The following PEPD variants were observed in gnomAD, a reference collection of about 807,000 sequenced individuals.
The protein encoded by PEPD is xaa-Pro dipeptidase.
A neutral mutation model predicts 60.7 loss-of-function variants in PEPD; 53 were observed. The ratio of observed to expected loss-of-function variants is 0.87; its 90% CI spans 0.70 to 1.10. PEPD has a LOEUF of 1.10. PEPD is among the 50% of genes least tolerant of loss of function. The pLI is 0.00. For missense variants in PEPD, 711 were observed against 711.9 expected, an observed-to-expected ratio of 1.00 and a Z score of 0.01; for synonymous variants, 267 against 284.1, an observed-to-expected ratio of 0.94 and a Z score of 0.60.
chr19:33,468,302 CA>C (rs1970057558), intron 7 of PEPD, among the ~76,000 whole-genome samples: 1 of 152,250 alleles, frequency 6.6e-6, no homozygotes, highest in African/African-American at 2.4e-5. Context: ...CAAACACTCT[CA>C]AGATCAGCAA....
chr19:33,462,763 TA>T (rs1313218766), intron 9 of PEPD, among the ~76,000 whole-genome samples: 1 of 152,184 alleles, frequency 6.6e-6, no homozygotes. Context: ...GGTGGGGCAC[TA>T]AACCACCCTG....
At chr19:33,398,936 C>T (rs1304515623) in intron 12 of PEPD, among the ~76,000 whole-genome samples, 2 of 152,234 alleles carry the variant, frequency 1.3e-5, no homozygotes, top group South Asian at 2.1e-4. Flanking sequence ...TCCTCACCCA[C>T]CCATCTGCCT....
intron 7 of PEPD, among the ~76,000 whole-genome samples, chr19:33,468,488 C>T (rs1970060946): frequency 1.3e-5 from 2 of 152,256 alleles, no homozygotes; most frequent in South Asian, 4.1e-4. Flanking sequence ...TCCATCGAGG[C>T]AGCCCAGACA....
intron 12 of PEPD, among the ~76,000 whole-genome samples, chr19:33,395,787 T>C (rs76738287): frequency 0.06 from 9,118 of 152,300 alleles, 379 homozygotes; most frequent in Middle Eastern, 0.11. Flanking sequence ...CTGTGGAACA[T>C]GGCCCTCGGG....
Position 33,442,548 on chromosome 19 carries a change from A to T in PEPD, c.671+20447T>A, listed in dbSNP as rs948548408. ...AACCCATCTCTACTAAAAATAAAATAAAAAAAAAAAATTAGCCGGGCGTGG... is the reference window on the plus strand; with the variant it reads ...AACCCATCTCTACTAAAAATAAAATTAAAAAAAAAAATTAGCCGGGCGTGG... On this transcript the variant is annotated intron_variant, in intron 9 of 14. Coordinates refer to ENST00000244137, the MANE Select transcript of PEPD (RefSeq NM_000285.4). 2.2e-3 allele frequency among the ~76,000 whole-genome samples: 303 copies of T among 139,638 alleles called. 3 individuals carry two copies. The highest frequency in any genetic ancestry group is 7.1e-3 in the African/African-American group (260 of 36,800). 91.6% of individuals were successfully genotyped at this position (139,638 alleles called of 152,430 possible).
intron 9 of PEPD, among the ~76,000 whole-genome samples, chr19:33,435,531 C>G (rs1969358052): frequency 6.6e-6 from 1 of 152,222 alleles, no homozygotes; most frequent in Non-Finnish European, 1.5e-5. Context: ...CTGGGGACAA[C>G]AGCCCCTCCA....
chr19:33,506,772 C>T (rs1310789376), intron 3 of PEPD, among the ~76,000 whole-genome samples: 1 of 149,180 alleles, frequency 6.7e-6, no homozygotes, highest in Non-Finnish European at 1.5e-5. Flanking sequence ...AAAACCTACA[C>T]ACCACACACA....
intron 2 of PEPD, 123 bp downstream of exon 2, chr19:33,512,470 G>A: frequency 1.1e-6 from 1 of 927,378 alleles, no homozygotes; most frequent in South Asian, 1.4e-5. Context: ...TCCCAGGCGA[G>A]GAAACAGAGG....
intron 13 of PEPD, among the ~76,000 whole-genome samples, chr19:33,390,897 C>T (rs1255370620): frequency 6.6e-6 from 1 of 152,140 alleles, no homozygotes; most frequent in Non-Finnish European, 1.5e-5. Flanking sequence ...CATCAACTCC[C>T]CACGCCCCAG....
At chr19:33,482,515 A>C (rs1463544645) in intron 6 of PEPD, among the ~76,000 whole-genome samples, 1 of 152,244 alleles carries the variant, frequency 6.6e-6, no homozygotes. Context: ...AAAGACTAAA[A>C]GCTTTCCCCT....
chr19:33,406,668 G>A (rs542784016), intron 11 of PEPD, among the ~76,000 whole-genome samples: 25 of 152,338 alleles, frequency 1.6e-4, no homozygotes, highest in African/African-American at 6.0e-4. Context: ...GTCCCCAGGA[G>A]CTTGTCACCC....
At chr19:33,482,551 C>CTGCTGTCTCCAA (rs1568493817) in intron 6 of PEPD, among the ~76,000 whole-genome samples, 2 of 152,186 alleles carry the variant, frequency 1.3e-5, no homozygotes, top group African/African-American at 4.8e-5. Context: ...GCAAGCATGT[C>CTGCTGTCTCCAA]TGCTGTCTCC....
intron 7 of PEPD, among the ~76,000 whole-genome samples, chr19:33,464,915 G>A (rs937618653): frequency 2.0e-5 from 3 of 152,066 alleles, no homozygotes; most frequent in African/African-American, 7.2e-5. Context: ...CTGGGTCCGC[G>A]GGCACAGAAA....
At chr19:33,404,342 C>T (rs189353107) in intron 11 of PEPD, among the ~76,000 whole-genome samples, 122 of 152,218 alleles carry the variant, frequency 8.0e-4, no homozygotes, top group Non-Finnish European at 1.8e-4. Context: ...ATGGGGGACA[C>T]GGATTCCTAG....
chr19:33,462,112 G>A (rs1568484067), intron 9 of PEPD, among the ~76,000 whole-genome samples: 1 of 152,248 alleles, frequency 6.6e-6, no homozygotes, highest in Non-Finnish European at 1.5e-5. Flanking sequence ...CAGCCTGGGA[G>A]GGTGATATGG....
chr19:33,432,520 A>G (rs938462604), intron 9 of PEPD, among the ~76,000 whole-genome samples: 3 of 152,230 alleles, frequency 2.0e-5, no homozygotes, highest in Admixed American at 2.0e-4. Context: ...GCAGCTCTGA[A>G]GAGCCGATTG....
At chr19:33,506,921 C>T (rs944184809) in intron 3 of PEPD, among the ~76,000 whole-genome samples, 2 of 148,552 alleles carry the variant, frequency 1.3e-5, no homozygotes, top group Non-Finnish European at 3.0e-5. Flanking sequence ...ACAGCACATG[C>T]CCCCCCCACA....
intron 9 of PEPD, among the ~76,000 whole-genome samples, chr19:33,421,033 T>G (rs200070920): frequency 9.8e-4 from 149 of 152,340 alleles, no homozygotes; most frequent in African/African-American, 3.4e-3. Context: ...CAGTCCCTGG[T>G]TGGTTCTCAC....
intron 9 of PEPD, among the ~76,000 whole-genome samples, chr19:33,455,773 C>CA (rs199923806): frequency 0.011 from 1,675 of 151,952 alleles, 24 homozygotes; most frequent in South Asian, 0.068. Flanking sequence ...CTTGGACTCC[C>CA]AAAGTGCTGG....
Sources: allele counts gnomAD v4.1 joint callset (sites outside exome capture counted in the v4.1 genomes callset), GRCh38; gene constraint gnomAD v4.1.1; transcripts MANE v1.5; gene names NCBI Gene and HGNC (gene_info 2026-07-23, HGNC 2026-07-21).